The following DNAH14 variants were observed in gnomAD, a reference collection of about 807,000 sequenced individuals.
The protein encoded by DNAH14 is axonemal beta dynein heavy chain 14.
In DNAH14, 478 loss-of-function variants were observed where a neutral mutation model predicts 520.9. That is an observed-to-expected ratio of 0.92 (90% CI 0.85 to 0.99). The LOEUF (loss-of-function observed/expected upper bound fraction) is 0.99, where lower values mean the gene tolerates loss of function less well. Ranked by LOEUF, DNAH14 falls within the 50% of genes least tolerant of loss-of-function variation. The pLI is 0.00. For synonymous variants in DNAH14, 1,581 were observed against 1,757.2 expected, an observed-to-expected ratio of 0.90 and a Z score of 2.51; for missense variants, 4,831 against 5,234.5, an observed-to-expected ratio of 0.92 and a Z score of 2.38.
intron 83 of DNAH14, among the ~76,000 whole-genome samples, chr1:225,391,893 C>A (rs534234710): frequency 2.0e-5 from 3 of 152,266 alleles, no homozygotes; most frequent in African/African-American, 4.8e-5. Context: ...TATGTCATTT[C>A]TTGAGGAAGA....
intron 37 of DNAH14, among the ~76,000 whole-genome samples, chr1:225,188,918 A>G (rs913195090): frequency 2.0e-5 from 3 of 151,658 alleles, no homozygotes; most frequent in Non-Finnish European, 4.4e-5. Context: ...ATTCCTAGGC[A>G]TTTTATTCTT....
At chr1:225,371,552 C>G (rs570535960) in intron 77 of DNAH14, among the ~76,000 whole-genome samples, 1 of 152,094 alleles carries the variant, frequency 6.6e-6, no homozygotes, top group Non-Finnish European at 1.5e-5. Flanking sequence ...TGTCATTCAA[C>G]AGTGTCTTAG....
At chr1:225,133,308 A>T (rs1209348443) in intron 27 of DNAH14, among the ~76,000 whole-genome samples, 1 of 152,110 alleles carries the variant, frequency 6.6e-6, no homozygotes. Context: ...GCCCATGCCT[A>T]TATCCTGACT....
chr1:225,028,800 A>G (rs958567455), intron 11 of DNAH14, among the ~76,000 whole-genome samples: 3 of 152,014 alleles, frequency 2.0e-5, no homozygotes, highest in African/African-American at 7.2e-5. Context: ...AACAATACAA[A>G]GTGCTCATGA....
chr1:224,969,771 C>T (rs1057000629), intron 7 of DNAH14: 9 of 168,100 alleles, frequency 5.4e-5, no homozygotes, highest in Non-Finnish European at 1.0e-4. Flanking sequence ...CTGCAGTCTC[C>T]GAACATAAAT....
intron 11 of DNAH14, among the ~76,000 whole-genome samples, chr1:225,027,374 G>C (rs2066198088): frequency 6.6e-6 from 1 of 152,124 alleles, no homozygotes. Context: ...CATTAAGTAT[G>C]ATGTGCCTGT....
intron 55 of DNAH14, among the ~76,000 whole-genome samples, chr1:225,299,853 G>A (rs150250730): frequency 1.3e-5 from 2 of 152,134 alleles, no homozygotes; most frequent in African/African-American, 4.8e-5. Flanking sequence ...AAATACGTTA[G>A]CCCTGTGTCA....
At chr1:225,264,130 G>A (rs1022545046) in intron 46 of DNAH14, 67 bp from the exon 47 acceptor site, 1 of 1,322,908 alleles carries the variant, frequency 7.6e-7, no homozygotes, top group Non-Finnish European at 1.0e-6. Context: ...TTACTTTTTT[G>A]TTGTTGTTTA....
At chr1:225,020,506 A>AC (rs2065588720) in intron 10 of DNAH14, among the ~76,000 whole-genome samples, 1 of 148,640 alleles carries the variant, frequency 6.7e-6, no homozygotes, top group African/African-American at 2.5e-5. Context: ...CAAAAAAAAA[A>AC]AAAAAAAAAA....
At chr1:225,331,369 A>G in intron 64 of DNAH14, 68 bp from the exon 65 acceptor site, 1 of 1,439,320 alleles carries the variant, frequency 6.9e-7, no homozygotes, top group South Asian at 1.3e-5. Flanking sequence ...TATATAAATG[A>G]CAGCTAAAGT....
intron 42 of DNAH14, among the ~76,000 whole-genome samples, chr1:225,234,973 G>A (rs2091467288): frequency 6.6e-6 from 1 of 152,006 alleles, no homozygotes; most frequent in Non-Finnish European, 1.5e-5. Context: ...TCTAGATATA[G>A]GATCATGTCA....
chr1:225,205,978 T>C lies in DNAH14; in HGVS notation c.5985T>C (p.Asp1995=). The change falls in exon 40 of 86, where the codon GAT becomes GAC. Residue 1995 remains aspartate, a synonymous_variant. Coordinates refer to ENST00000682510, the MANE Select transcript of DNAH14 (RefSeq NM_001367479.1). ...AAATATTTTTCTCTCCAGATTTTGA[T>C]TGGCAGTGGATTATCCTAGATGGCC... ...VVKIPENHNF[D]WQWIILDGPV... 1 of 1,549,952 alleles carries C rather than the reference T, an allele frequency of 6.5e-7. No homozygotes were observed. Among genetic ancestry groups the C allele is most frequent in the Non-Finnish European group, 8.7e-7 (1 of 1,146,248 alleles).
intron 41 of DNAH14, among the ~76,000 whole-genome samples, chr1:225,226,126 T>A (rs2090507847): frequency 6.6e-6 from 1 of 152,222 alleles, no homozygotes; most frequent in Non-Finnish European, 1.5e-5. Flanking sequence ...CCGCAACTGT[T>A]ACTCTATGGG....
chr1:225,106,224 G>A (rs934031093), intron 23 of DNAH14, among the ~76,000 whole-genome samples: 62 of 151,468 alleles, frequency 4.1e-4, no homozygotes, highest in African/African-American at 1.1e-3. Flanking sequence ...CTCTCTTCTG[G>A]CTTGCAGAGT....
Position 225,232,280 on chromosome 1 carries a change from T to TATATACACACAC in DNAH14, c.6518+1130_6518+1131insTATACACACACA, listed in dbSNP as rs1553258510. ...ATATATAAACTGTGATATATATATA[T>TATATACACACAC]ACACACACACACACACACACGTGTA... On this transcript the variant is annotated intron_variant, in intron 42 of 85. Coordinates refer to ENST00000682510, the MANE Select transcript of DNAH14 (RefSeq NM_001367479.1). The surrounding 1 kb of genome is among the most constrained non-coding windows in gnomAD (Gnocchi z 4.2). Among the ~76,000 whole-genome samples the TATATACACACAC allele has an allele frequency of 2.7e-5, 4 of 149,482 alleles. No individual in the cohort carries two copies. The highest frequency in any genetic ancestry group is 2.0e-4 in the East Asian group (1 of 5,092).
chr1:225,053,027 A>G (rs1204610905), intron 17 of DNAH14, among the ~76,000 whole-genome samples: 2 of 151,996 alleles, frequency 1.3e-5, no homozygotes, highest in Non-Finnish European at 2.9e-5. Context: ...CAGCAAAGAA[A>G]ATCTCTGAAT....
At chr1:225,358,866 T>C (rs1001150612) in intron 74 of DNAH14, among the ~76,000 whole-genome samples, 1 of 152,160 alleles carries the variant, frequency 6.6e-6, no homozygotes, top group Non-Finnish European at 1.5e-5. Context: ...ACCTGGCATT[T>C]CCCCTCCTGG....
At chr1:225,138,309 C>A (rs1022973219) in intron 27 of DNAH14, among the ~76,000 whole-genome samples, 2 of 152,236 alleles carry the variant, frequency 1.3e-5, no homozygotes, top group Non-Finnish European at 2.9e-5. Context: ...GCCGTTTCCC[C>A]CAAACCGCAG....
chr1:225,171,840 T>C (rs2082709414), intron 36 of DNAH14, among the ~76,000 whole-genome samples: 1 of 152,124 alleles, frequency 6.6e-6, no homozygotes, highest in African/African-American at 2.4e-5. Flanking sequence ...CCAGTATCCC[T>C]GATGAACATC....
Sources: allele counts gnomAD v4.1 joint callset (sites outside exome capture counted in the v4.1 genomes callset), GRCh38; gene constraint gnomAD v4.1.1; non-coding constraint Gnocchi (gnomAD v3.1); transcripts MANE v1.5; gene names NCBI Gene and HGNC (gene_info 2026-07-23, HGNC 2026-07-21).